The following ZNF254 variants were observed in gnomAD, a reference collection of about 807,000 sequenced individuals.
The protein encoded by ZNF254 is zinc finger protein 254.
A neutral mutation model predicts 12.4 loss-of-function variants in ZNF254; 10 were observed. The observed-to-expected ratio is 0.80, with a 90% confidence interval of 0.50 to 1.36. ZNF254 has a LOEUF of 1.36. ZNF254 is among the 40% of genes most tolerant of loss of function. The pLI is 0.00. For synonymous variants in ZNF254, 305 were observed against 253.4 expected (o/e 1.20, Z -1.93); for missense variants, 996 against 763.9 (o/e 1.30, Z -3.58).
At chr19:24,041,336 G>A (rs978521583) in intron 1 of ZNF254, among the ~76,000 whole-genome samples, 5 of 152,258 alleles carry the variant, frequency 3.3e-5, no homozygotes, top group Non-Finnish European at 7.3e-5. Context: ...GCGGGAACCG[G>A]GGCTGCGTGC....
intron 3 of ZNF254, among the ~76,000 whole-genome samples, chr19:24,123,816 T>A (rs1386308638): frequency 6.6e-6 from 1 of 152,140 alleles, no homozygotes; most frequent in African/African-American, 2.4e-5. Context: ...TTGATTAATA[T>A]TTGCATGGAA....
intron 1 of ZNF254, among the ~76,000 whole-genome samples, chr19:24,043,354 T>C (rs1432317908): frequency 6.6e-6 from 1 of 152,098 alleles, no homozygotes; most frequent in Non-Finnish European, 1.5e-5. Flanking sequence ...CTTAACCTCC[T>C]GGGTTCAAGC....
intron 3 of ZNF254, among the ~76,000 whole-genome samples, chr19:24,118,581 G>A (rs1974269052): frequency 6.6e-6 from 1 of 151,932 alleles, no homozygotes; most frequent in Non-Finnish European, 1.5e-5. Flanking sequence ...AGTTTTAAAA[G>A]TCGTTTCTAT....
intron 1 of ZNF254, among the ~76,000 whole-genome samples, chr19:24,044,180 C>T (rs1970285655): frequency 6.7e-6 from 1 of 149,752 alleles, no homozygotes; most frequent in African/African-American, 2.5e-5. Context: ...GCGGAGGTTG[C>T]ACTGAGCCAA....
intron 2 of ZNF254, among the ~76,000 whole-genome samples, chr19:24,074,635 G>A (rs1971595972): frequency 6.6e-6 from 1 of 152,022 alleles, no homozygotes; most frequent in African/African-American, 2.4e-5. Flanking sequence ...GCATATCTCT[G>A]GGCCCATTAC....
intron 3 of ZNF254, among the ~76,000 whole-genome samples, chr19:24,124,778 T>C (rs1384899778): frequency 6.6e-6 from 1 of 151,450 alleles, no homozygotes; most frequent in East Asian, 1.9e-4. Context: ...TTTTTCTTTT[T>C]TTTTTTTGGA....
intron 1 of ZNF254, among the ~76,000 whole-genome samples, chr19:24,094,050 T>C (rs1353758686): frequency 6.6e-6 from 1 of 152,158 alleles, no homozygotes; most frequent in Non-Finnish European, 1.5e-5. Flanking sequence ...AGGGATTGTG[T>C]TTATGATTCG....
At chr19:24,054,998 C>T (rs530746855) in intron 2 of ZNF254, among the ~76,000 whole-genome samples, 2 of 151,596 alleles carry the variant, frequency 1.3e-5, no homozygotes, top group African/African-American at 4.8e-5. Context: ...GTCAGGAGTT[C>T]AAGACCAGCC....
At chr19:24,075,878 T>G (rs1230118637) in intron 2 of ZNF254, among the ~76,000 whole-genome samples, 1 of 152,194 alleles carries the variant, frequency 6.6e-6, no homozygotes, top group Non-Finnish European at 1.5e-5. Flanking sequence ...TGGGAGTGCA[T>G]TATTTTGCCA....
intron 1 of ZNF254, chr19:24,105,575 G>C (rs1973289452): frequency 4.4e-6 from 1 of 228,798 alleles, no homozygotes; most frequent in Admixed American, 5.4e-5. Flanking sequence ...AACTCAAGAT[G>C]TCTATTTTGT....
Position 24,045,972 on chromosome 19 carries a change from GT to G in ZNF254, c.-189-208del, listed in dbSNP as rs1324087177. On this transcript the variant is annotated intron_variant, in intron 1 of 4. Coordinates refer to the ZNF254 transcript ENST00000613065. ...CTAGTGTTTCCAGCCCTCCCCCTTAGTTTTGATTCATTCAAACTTGAAAATG... is the reference window on the plus strand; with the variant it reads ...CTAGTGTTTCCAGCCCTCCCCCTTAGTTTGATTCATTCAAACTTGAAAATG... 1.5e-4 allele frequency among the ~76,000 whole-genome samples: 23 copies of G among 152,030 alleles called. No individual in the cohort carries two copies. In the South Asian group the frequency reaches 4.8e-3, roughly 32 times the overall value.
At chr19:24,119,487 T>C (rs7252482) in intron 3 of ZNF254, among the ~76,000 whole-genome samples, 74,075 of 151,890 alleles carry the variant, frequency 0.49, 18,993 homozygotes, top group African/African-American at 0.64. Flanking sequence ...CCACCATTCC[T>C]GGCCTTATTT....
At position 24,060,174 on chromosome 19, in the gene ZNF254, C is replaced by T. The variant is rs564518862; in HGVS notation, c.-94+13895C>T. ...TCAATACCCAGGTGATGTAACATTC[C>T]TGCCAGGCCACTGCCTTCCAGGGAT... is the stretch of plus-strand genomic sequence containing the variant. On this transcript the variant is annotated intron_variant, in intron 2 of 4. Transcript: ENST00000613065. Among the ~76,000 whole-genome samples the T allele has an allele frequency of 9.2e-5, 14 of 152,304 alleles. No homozygotes were observed. In the South Asian group the frequency reaches 2.9e-3, roughly 32 times the overall value.
chr19:24,050,849 C>A (rs1431694014), intron 2 of ZNF254, among the ~76,000 whole-genome samples: 1 of 150,614 alleles, frequency 6.6e-6, no homozygotes, highest in African/African-American at 2.4e-5. Context: ...CAGGCATGCG[C>A]CACCACACCT....
At chr19:24,105,369 A>G (rs1250111841) in intron 1 of ZNF254, 3 of 235,654 alleles carry the variant, frequency 1.3e-5, no homozygotes, top group Non-Finnish European at 2.4e-5. Flanking sequence ...AAAAAAAACA[A>G]AAAACAAAAA....
Position 24,129,967 on chromosome 19 carries a change from A to G in ZNF254, c.*1987A>G, listed in dbSNP as rs529363593. Reference sequence around the variant, plus strand: ...TAAAGATAAACCTTAGGTGTAAATAAATTATGGAGTAAGTATGTTTGTGTG... The same window carrying G: ...TAAAGATAAACCTTAGGTGTAAATAGATTATGGAGTAAGTATGTTTGTGTG... On this transcript the variant is annotated 3_prime_UTR_variant, in exon 4 of 4. Coordinates refer to ENST00000357002, the MANE Select transcript of ZNF254 (RefSeq NM_203282.4). 6 of 152,262 alleles carry G rather than the reference A, an allele frequency of 3.9e-5. No individual in the cohort carries two copies. The highest frequency in any genetic ancestry group is 1.4e-4 in the African/African-American group (6 of 41,568). 9.4% of individuals were successfully genotyped at this position (152,262 alleles called of 1,614,324 possible). A position where few individuals can be genotyped will look rare whatever the true frequency, so the allele number is the denominator to read the frequency against.
chr19:24,068,253 T>C (rs1971351292), intron 2 of ZNF254, among the ~76,000 whole-genome samples: 1 of 151,616 alleles, frequency 6.6e-6, no homozygotes, highest in African/African-American at 2.4e-5. Flanking sequence ...TTGTAACATA[T>C]CACTGGGCCC....
At chr19:24,086,938 CA>C (rs1972061807), upstream of ZNF254, among the ~76,000 whole-genome samples, 1 of 151,982 alleles carries the variant, frequency 6.6e-6, no homozygotes, top group Non-Finnish European at 1.5e-5. Context: ...AGAGAGAGAG[CA>C]AAAAAGATAT....
At chr19:24,085,075 G>T (rs1971976235), upstream of ZNF254, among the ~76,000 whole-genome samples, 1 of 151,500 alleles carries the variant, frequency 6.6e-6, no homozygotes, top group Admixed American at 6.6e-5. Flanking sequence ...GGGACTACAG[G>T]CACGCGCCAC....
Sources: allele counts gnomAD v4.1 joint callset (sites outside exome capture counted in the v4.1 genomes callset), GRCh38; gene constraint gnomAD v4.1.1; transcripts MANE v1.5; gene names NCBI Gene and HGNC (gene_info 2026-07-23, HGNC 2026-07-21).